The following CYSLTR2 variants were observed in gnomAD, a reference collection of about 807,000 sequenced individuals.
CYSLTR2 encodes the protein G-protein coupled receptor GPCR21.
For missense variants in CYSLTR2, 398 were observed against 411.9 expected (o/e 0.97, Z 0.29); for synonymous variants, 179 against 160.8 (o/e 1.11, Z -0.86).
In CYSLTR2 at chr13:48,677,209, A is replaced by G. The variant is rs57362089; in HGVS notation, c.-265-14003A>G. ...AAAGGAAGTTTGAGAAGAGAACAGT[A>G]GAACAGGCTGCTGAGCAGGAATGAA... On this transcript the variant is annotated intron_variant, in intron 1 of 4. Transcript: ENST00000682523. Among the ~76,000 whole-genome samples the G allele has an allele frequency of 6.9e-3, 1,053 of 152,334 alleles. 13 individuals carry two copies. Among genetic ancestry groups the G allele is most frequent in the African/African-American group, 0.024 (1,005 of 41,574 alleles).
chr13:48,661,812 A>G (rs1953136873), intron 1 of CYSLTR2, among the ~76,000 whole-genome samples: 1 of 152,246 alleles, frequency 6.6e-6, no homozygotes, highest in South Asian at 2.1e-4. Flanking sequence ...CAGGGTAATT[A>G]GCATATCCAT....
intron 1 of CYSLTR2, among the ~76,000 whole-genome samples, chr13:48,679,068 ACT>A (rs1490718869): frequency 3.3e-5 from 5 of 151,804 alleles, no homozygotes; most frequent in Non-Finnish European, 7.4e-5. Context: ...CTCTGGAAGC[ACT>A]CTCTGCCCAC....
intron 4 of CYSLTR2, 161 bp from the exon 5 acceptor site, chr13:48,706,656 C>T (rs111318769): frequency 3.5e-5 from 21 of 593,906 alleles, no homozygotes; most frequent in South Asian, 1.8e-4. Flanking sequence ...TGTAATGCAG[C>T]ATGTAGTAAA....
At chr13:48,671,592 T>A (rs1201370131) in intron 1 of CYSLTR2, among the ~76,000 whole-genome samples, 1 of 152,216 alleles carries the variant, frequency 6.6e-6, no homozygotes, top group Non-Finnish European at 1.5e-5. Context: ...TTGATTTGCG[T>A]ATGTTGAACC....
At chr13:48,678,408 A>G (rs1953659011) in intron 1 of CYSLTR2, among the ~76,000 whole-genome samples, 1 of 151,908 alleles carries the variant, frequency 6.6e-6, no homozygotes, top group South Asian at 2.1e-4. Context: ...CTCTCCTTGT[A>G]TCATTTGGCC....
At chr13:48,678,238 GC>G (rs1953653698) in intron 1 of CYSLTR2, among the ~76,000 whole-genome samples, 1 of 151,874 alleles carries the variant, frequency 6.6e-6, no homozygotes, top group Admixed American at 6.6e-5. Context: ...CAAACTCCTG[GC>G]CTCAAGTGAT....
chr13:48,690,789 C>T (rs1157660085), intron 1 of CYSLTR2, among the ~76,000 whole-genome samples: 2 of 152,100 alleles, frequency 1.3e-5, no homozygotes, highest in East Asian at 1.9e-4. Flanking sequence ...AGGGAGGAGT[C>T]CCTCTTTTTC....
chr13:48,692,711 C>T (rs2138946311), intron 2 of CYSLTR2, among the ~76,000 whole-genome samples: 1 of 151,252 alleles, frequency 6.6e-6, no homozygotes, highest in East Asian at 2.0e-4. Flanking sequence ...AGTAATCAAC[C>T]TTCCTTTTCT....
intron 1 of CYSLTR2, among the ~76,000 whole-genome samples, chr13:48,678,861 G>A (rs1374347879): frequency 6.6e-6 from 1 of 152,036 alleles, no homozygotes; most frequent in African/African-American, 2.4e-5. Context: ...GTCCCATCCA[G>A]GTCTGTGCAG....
At chr13:48,661,930 G>A (rs1054977389) in intron 1 of CYSLTR2, among the ~76,000 whole-genome samples, 1 of 152,066 alleles carries the variant, frequency 6.6e-6, no homozygotes, top group Non-Finnish European at 1.5e-5. Flanking sequence ...TCTTACAGTG[G>A]TATAGAACAT....
At chr13:48,702,248 C>T (rs868432660) in intron 4 of CYSLTR2, among the ~76,000 whole-genome samples, 10 of 114,150 alleles carry the variant, frequency 8.8e-5, no homozygotes, top group East Asian at 5.0e-4. Context: ...CATCACACAC[C>T]GGCGTCTGTC....
chr13:48,680,918 T>G (rs1416929786), intron 1 of CYSLTR2, among the ~76,000 whole-genome samples: 1 of 151,298 alleles, frequency 6.6e-6, no homozygotes. Flanking sequence ...CAAGAGAAAG[T>G]GTCGAACTAA....
intron 1 of CYSLTR2, among the ~76,000 whole-genome samples, chr13:48,683,080 T>A (rs1438652989): frequency 1.3e-5 from 2 of 152,220 alleles, no homozygotes; most frequent in Non-Finnish European, 2.9e-5. Flanking sequence ...TATGGTTACA[T>A]AGTATTCCAT....
chr13:48,677,571 T>C (rs1238972434), intron 1 of CYSLTR2, among the ~76,000 whole-genome samples: 1 of 152,120 alleles, frequency 6.6e-6, no homozygotes, highest in African/African-American at 2.4e-5. Flanking sequence ...AAGTGTATGA[T>C]GTTCAGAGAG....
chr13:48,691,431 T>G (rs1954035613), intron 2 of CYSLTR2, 130 bp downstream of exon 2: 1 of 152,106 alleles, frequency 6.6e-6, no homozygotes, highest in Non-Finnish European at 1.5e-5. Context: ...AGTGACTAGC[T>G]GAAAAATTTT....
chr13:48,707,219 T>G lies in CYSLTR2; in HGVS notation c.402T>G (p.Val134=). ...SSIYFLTVLS[V]VRFLAMVHPF... is the part of the protein sequence containing the mutation. The stretch of plus-strand genomic sequence containing the variant: ...TTTATTTCCTGACCGTGCTGAGTGT[T>G]GTGCGTTTCCTGGCAATGGTTCACC... Residue 134 remains valine, a synonymous_variant, in exon 5 of 5, where the codon GTT becomes GTG. Coordinates refer to ENST00000682523, the MANE Select transcript of CYSLTR2 (RefSeq NM_001308476.3). The G allele has an allele frequency of 6.2e-7, 1 of 1,614,224 alleles. No individual in the cohort carries two copies.
Position 48,687,298 on chromosome 13 carries a change from CTG to C in CYSLTR2, c.-265-3909_-265-3908del, listed in dbSNP as rs151228974. On this transcript the variant is annotated intron_variant, in intron 1 of 4. Coordinates refer to ENST00000682523, the MANE Select transcript of CYSLTR2 (RefSeq NM_001308476.3). The stretch of plus-strand genomic sequence containing the variant: ...TTGTGGGACTTCTCAGCCTCCATAA[CTG>C]TGTGAGCCAATTCCCCTAATAAATC... 2.8e-3 allele frequency among the ~76,000 whole-genome samples: 429 copies of C among 152,188 alleles called. 3 individuals are homozygous for C. Among genetic ancestry groups the C allele is most frequent in the African/African-American group, 9.8e-3 (405 of 41,518 alleles).
intron 1 of CYSLTR2, among the ~76,000 whole-genome samples, chr13:48,672,270 CTA>C (rs1021989801): frequency 6.6e-6 from 1 of 152,038 alleles, no homozygotes; most frequent in Non-Finnish European, 1.5e-5. Flanking sequence ...TTTTGTGTCT[CTA>C]TCTCTTTCAG....
chr13:48,672,282 G>A (rs1953453943), intron 1 of CYSLTR2, among the ~76,000 whole-genome samples: 1 of 151,956 alleles, frequency 6.6e-6, no homozygotes, highest in Non-Finnish European at 1.5e-5. Context: ...ATCTCTTTCA[G>A]TTCTGCTCTG....
Sources: allele counts gnomAD v4.1 joint callset (sites outside exome capture counted in the v4.1 genomes callset), GRCh38; gene constraint gnomAD v4.1.1; transcripts MANE v1.5; gene names NCBI Gene and HGNC (gene_info 2026-07-23, HGNC 2026-07-21).